GNAQ: variants seen among roughly 807,000 people sequenced by gnomAD.
GNAQ encodes the protein guanine nucleotide-binding protein G(q) subunit alpha.
Under a neutral mutation model 43.9 loss-of-function variants are expected in GNAQ, and 8 were observed. That is an observed-to-expected ratio of 0.18 (90% CI 0.11 to 0.33). GNAQ has a LOEUF of 0.33. Ranked by LOEUF, GNAQ falls within the 10% of genes least tolerant of loss-of-function variation. GNAQ has a pLI of 1.00. For synonymous variants in GNAQ, 155 were observed against 170.7 expected (o/e 0.91, Z 0.71); for missense variants, 158 against 450.8 (o/e 0.35, Z 5.88).
chr9:77,748,241 T>C (rs1482451842), intron 5 of GNAQ, among the ~76,000 whole-genome samples: 1 of 152,236 alleles, frequency 6.6e-6, no homozygotes, highest in African/African-American at 2.4e-5. Context: ...TAAATCTACA[T>C]CTCATTTCTC....
chr9:77,930,159 G>A (rs1587416087), intron 1 of GNAQ, among the ~76,000 whole-genome samples: 2 of 152,262 alleles, frequency 1.3e-5, no homozygotes, highest in South Asian at 4.1e-4. Context: ...TGGCAGTCCT[G>A]TAACTGTACC....
intron 5 of GNAQ, among the ~76,000 whole-genome samples, chr9:77,782,271 T>C (rs1170885905): frequency 1.3e-5 from 2 of 152,130 alleles, no homozygotes; most frequent in Non-Finnish European, 2.9e-5. Flanking sequence ...ACTTTTAAAA[T>C]GTAACAATTA....
intron 1 of GNAQ, among the ~76,000 whole-genome samples, chr9:77,959,467 TA>T (rs1302058551): frequency 2.0e-5 from 3 of 152,314 alleles, no homozygotes; most frequent in African/African-American, 7.2e-5. Context: ...AATCTTTAAA[TA>T]AAAACAGACT....
At chr9:77,904,604 T>A (rs2118173246) in intron 2 of GNAQ, among the ~76,000 whole-genome samples, 1 of 152,202 alleles carries the variant, frequency 6.6e-6, no homozygotes, top group Admixed American at 6.5e-5. Flanking sequence ...AGTGCTGGGA[T>A]TACAGGTGTG....
At chr9:77,754,982 G>A (rs562684991) in intron 5 of GNAQ, among the ~76,000 whole-genome samples, 1 of 152,278 alleles carries the variant, frequency 6.6e-6, no homozygotes, top group African/African-American at 2.4e-5. Context: ...AGCAACTTAA[G>A]TCTCTCTTAA....
intron 5 of GNAQ, among the ~76,000 whole-genome samples, chr9:77,781,995 T>C (rs2118405937): frequency 6.6e-6 from 1 of 152,208 alleles, no homozygotes; most frequent in East Asian, 1.9e-4. Flanking sequence ...TTTTCAGCAC[T>C]GAACTGGAAG....
chr9:78,022,559 T>C (rs1457943435), intron 1 of GNAQ, among the ~76,000 whole-genome samples: 3 of 152,218 alleles, frequency 2.0e-5, no homozygotes. Flanking sequence ...TTCACAAAAT[T>C]AGTCTGCCAT....
chr9:77,897,014 T>C (rs139831459), intron 2 of GNAQ, among the ~76,000 whole-genome samples: 122 of 152,306 alleles, frequency 8.0e-4, no homozygotes, highest in African/African-American at 2.7e-3. Context: ...CAATGATACT[T>C]AATTATAAAG....
chr9:77,795,329 G>A (rs1220703166), intron 4 of GNAQ, among the ~76,000 whole-genome samples: 1 of 152,106 alleles, frequency 6.6e-6, no homozygotes, highest in African/African-American at 2.4e-5. Context: ...AACCAACACT[G>A]ACATCAATTA....
rs945857844 is a variant in GNAQ at position 78,011,134 on chromosome 9, C to G, written c.136+19966G>C. Among the ~76,000 whole-genome samples the G allele has an allele frequency of 6.6e-5, 10 of 152,162 alleles. No homozygotes were observed. In the South Asian group the frequency reaches 1.7e-3, roughly 25 times the overall value. ...ACTTCTCATCAAAGTGGCTGGCTCA[C>G]TCAAAAGAGAAGGACAAACAGAATC... On this transcript the variant is annotated intron_variant, in intron 1 of 6. Transcript: ENST00000286548.
chr9:77,726,610 A>G (rs975635298), intron 6 of GNAQ, among the ~76,000 whole-genome samples: 3 of 152,244 alleles, frequency 2.0e-5, no homozygotes, highest in African/African-American at 7.2e-5. Flanking sequence ...AGTAAGTACA[A>G]AAACACTGTG....
chr9:77,735,896 TG>T (rs1825570983), intron 5 of GNAQ, among the ~76,000 whole-genome samples: 1 of 152,188 alleles, frequency 6.6e-6, no homozygotes, highest in East Asian at 1.9e-4. Flanking sequence ...CTCTGAGCCT[TG>T]GTCTCCTCAT....
At chr9:77,870,268 G>A (rs1191532720) in intron 2 of GNAQ, among the ~76,000 whole-genome samples, 1 of 151,418 alleles carries the variant, frequency 6.6e-6, no homozygotes, top group Admixed American at 6.6e-5. Flanking sequence ...ATATAAATGA[G>A]GTTACAGGAA....
At chr9:77,996,677 CAAAAAAAAAA>C (rs3083223) in intron 1 of GNAQ, among the ~76,000 whole-genome samples, 1 of 105,592 alleles carries the variant, frequency 9.5e-6, no homozygotes, top group African/African-American at 3.7e-5. Context: ...GACTCCATCT[CAAAAAAAAAA>C]AAAAAAAAAG....
chr9:77,878,399 T>C (rs985266280), intron 2 of GNAQ, among the ~76,000 whole-genome samples: 4 of 152,110 alleles, frequency 2.6e-5, no homozygotes, highest in Non-Finnish European at 5.9e-5. Flanking sequence ...GCCTTACAAA[T>C]CTGTGACTTG....
chr9:78,022,225 C>G lies in GNAQ; in HGVS notation c.136+8875G>C, dbSNP rs1403296974. Reference sequence around the variant, plus strand: ...CATCACTGCTGGAGACAGCAGCAAGCTTAGACCCTTCATCCAGGGGTGAGT... The same window carrying G: ...CATCACTGCTGGAGACAGCAGCAAGGTTAGACCCTTCATCCAGGGGTGAGT... On this transcript the variant is annotated intron_variant, in intron 1 of 6. Coordinates refer to ENST00000286548, the MANE Select transcript of GNAQ (RefSeq NM_002072.5). Among the ~76,000 whole-genome samples, 9 of 152,300 alleles carry G rather than the reference C, an allele frequency of 5.9e-5. No homozygotes were observed. The East Asian group carries it at 1.2e-3, about 20-fold the overall frequency.
At chr9:77,767,301 C>T (rs1826152216) in intron 5 of GNAQ, among the ~76,000 whole-genome samples, 2 of 152,110 alleles carry the variant, frequency 1.3e-5, no homozygotes, top group South Asian at 2.1e-4. Flanking sequence ...TCCCTGACCT[C>T]TCCTACTAGA....
intron 2 of GNAQ, among the ~76,000 whole-genome samples, chr9:77,879,573 C>T (rs370727336): frequency 5.3e-5 from 8 of 152,174 alleles, no homozygotes; most frequent in Admixed American, 6.5e-5. Context: ...TCTTACTGGA[C>T]GTATGAGTAA....
chr9:77,717,602 T>C lies in GNAQ; in HGVS notation c.*3721A>G. 4.3e-6 allele frequency: 1 copy of C among 232,316 alleles called. No homozygotes were observed. 14.4% of individuals were successfully genotyped at this position (232,316 alleles called of 1,614,324 possible). A position where few individuals can be genotyped will look rare whatever the true frequency, so the allele number is the denominator to read the frequency against. On this transcript the variant is annotated 3_prime_UTR_variant, in exon 7 of 7. Transcript: ENST00000286548. ...AACTTAAGACAACTAAAATTTACAA[T>C]CATGTGGCAGTATAAATTTTAAAAT... is the stretch of plus-strand genomic sequence containing the variant.
Sources: gnomAD v4.1 joint callset for allele counts (sites outside exome capture counted in the v4.1 genomes callset) on GRCh38, gnomAD v4.1.1 for gene constraint, MANE v1.5 for transcripts, NCBI Gene and HGNC (gene_info 2026-07-23, HGNC 2026-07-21) for gene names.